ADAMTS9: variants seen among roughly 807,000 people sequenced by gnomAD.
ADAMTS9 encodes A disintegrin and metalloproteinase with thrombospondin motifs 9.
ADAMTS9 carries 107 observed loss-of-function variants against 257.1 expected under a neutral mutation model. That is an observed-to-expected ratio of 0.42 (90% CI 0.36 to 0.49). ADAMTS9 has a LOEUF of 0.49. Ranked by LOEUF, ADAMTS9 falls within the 20% of genes least tolerant of loss-of-function variation. The pLI, the probability that ADAMTS9 is intolerant of heterozygous loss-of-function variation, is 0.03. For synonymous variants in ADAMTS9, 982 were observed against 880.9 expected (o/e 1.11, Z -2.03); for missense variants, 2,353 against 2,469.1 (o/e 0.95, Z 1.00).
chr3:64,519,545 C>T (rs775839891), intron 39 of ADAMTS9, among the ~76,000 whole-genome samples: 1 of 151,978 alleles, frequency 6.6e-6, no homozygotes, highest in Non-Finnish European at 1.5e-5. Flanking sequence ...CATGAAAATC[C>T]TCAACAAAAT....
chr3:64,550,036 C>G (rs1469551931), intron 31 of ADAMTS9: 3 of 151,902 alleles, frequency 2.0e-5, no homozygotes, highest in Non-Finnish European at 2.9e-5. Flanking sequence ...GTCCAGATGC[C>G]TCCCTTTCGA....
intron 28 of ADAMTS9, among the ~76,000 whole-genome samples, chr3:64,592,213 A>G (rs1263718234): frequency 1.3e-5 from 2 of 152,222 alleles, no homozygotes; most frequent in African/African-American, 2.4e-5. Context: ...CCTTGCTCTT[A>G]GACTGTAGAG....
At chr3:64,616,931 CT>C (rs1417879885) in intron 19 of ADAMTS9, among the ~76,000 whole-genome samples, 1 of 152,046 alleles carries the variant, frequency 6.6e-6, no homozygotes, top group Admixed American at 6.5e-5. Flanking sequence ...CCATGTGTAC[CT>C]GTCCAGGGTA....
At chr3:64,604,383 T>C in intron 23 of ADAMTS9, 52 bp from the exon 24 acceptor site, 1 of 1,284,698 alleles carries the variant, frequency 7.8e-7, no homozygotes, top group Middle Eastern at 1.9e-4. Flanking sequence ...TCAATGCACT[T>C]TCAAGGTAAT....
At chr3:64,627,280 T>C (rs1416426851) in intron 16 of ADAMTS9, among the ~76,000 whole-genome samples, 1 of 151,982 alleles carries the variant, frequency 6.6e-6, no homozygotes, top group Non-Finnish European at 1.5e-5. Context: ...TTTATTCCAG[T>C]AGATGTGAGT....
chr3:64,606,850 C>T (rs925489633), intron 23 of ADAMTS9, 110 bp downstream of exon 23: 7 of 1,342,900 alleles, frequency 5.2e-6, no homozygotes, highest in Middle Eastern at 1.9e-4. Flanking sequence ...CTACTGGTTG[C>T]TCTACTGACA....
chr3:64,629,993 G>T (rs1700328523), intron 16 of ADAMTS9, among the ~76,000 whole-genome samples: 1 of 152,136 alleles, frequency 6.6e-6, no homozygotes, highest in South Asian at 2.1e-4. Flanking sequence ...TAGATTAAGG[G>T]CCTCTATACA....
At chr3:64,682,546 G>C (rs1701784802) in intron 2 of ADAMTS9, among the ~76,000 whole-genome samples, 1 of 152,298 alleles carries the variant, frequency 6.6e-6, no homozygotes, top group African/African-American at 2.4e-5. Flanking sequence ...GCTGAGTGGT[G>C]TTTAAGAGGA....
At chr3:64,630,568 C>T (rs1700343467) in intron 16 of ADAMTS9, among the ~76,000 whole-genome samples, 1 of 152,038 alleles carries the variant, frequency 6.6e-6, no homozygotes, top group South Asian at 2.1e-4. Context: ...CAGAGTGAGA[C>T]CCTGTCCCAA....
rs2084321661 is a variant in ADAMTS9, at chr3:64,594,371, C to T, written c.4243G>A (p.Glu1415Lys). ...TCACAGCTCAAATCTGGAAACCGTT[C>T]ACCGTTGGACCGCTGACAGACCACC... Reference protein sequence around the residue: ...RLVVCQRSNGERFPDLSCEIL... With the variant: ...RLVVCQRSNGKRFPDLSCEIL... Residue 1415 changes from glutamate to lysine, a missense_variant, in exon 28 of 40, where the codon GAA becomes AAA. This residue lies in a region of ADAMTS9 where 1,402 missense variants were observed against 1,441.4 expected (regional missense o/e 0.97). Coordinates refer to ENST00000498707, the MANE Select transcript of ADAMTS9 (RefSeq NM_182920.2). 6.2e-7 allele frequency: 1 copy of T among 1,614,096 alleles called. No individual in the cohort carries two copies. The highest frequency in any genetic ancestry group is 8.5e-7 in the Non-Finnish European group (1 of 1,179,984).
chr3:64,565,163 C>T (rs1246013727), intron 29 of ADAMTS9, among the ~76,000 whole-genome samples: 1 of 152,172 alleles, frequency 6.6e-6, no homozygotes, highest in Non-Finnish European at 1.5e-5. Context: ...CATATGGCTT[C>T]CTTAATTTCT....
intron 30 of ADAMTS9, among the ~76,000 whole-genome samples, chr3:64,554,950 T>G (rs990376201): frequency 3.9e-5 from 6 of 152,236 alleles, no homozygotes; most frequent in Non-Finnish European, 8.8e-5. Context: ...GCTTAAAGAT[T>G]ATAATCAAGT....
intron 28 of ADAMTS9, among the ~76,000 whole-genome samples, chr3:64,586,303 C>A (rs1165050588): frequency 6.6e-6 from 1 of 152,022 alleles, no homozygotes. Flanking sequence ...AAATCAAAGT[C>A]CTCCCTATAA....
chr3:64,649,907 T>G, intron 9 of ADAMTS9, 129 bp from the exon 10 acceptor site: 2 of 1,155,210 alleles, frequency 1.7e-6, no homozygotes, highest in Non-Finnish European at 2.4e-6. Flanking sequence ...ATGTGCTTTA[T>G]TCTTTACATC....
chr3:64,545,044 A>C (rs552125413), intron 32 of ADAMTS9, among the ~76,000 whole-genome samples: 55 of 152,342 alleles, frequency 3.6e-4, no homozygotes, highest in African/African-American at 1.3e-3. Context: ...AAGGCAAATC[A>C]AAACCACAAT....
chr3:64,575,145 G>A (rs772185265), intron 28 of ADAMTS9, among the ~76,000 whole-genome samples: 12 of 152,280 alleles, frequency 7.9e-5, no homozygotes, highest in Non-Finnish European at 1.5e-4. Flanking sequence ...CCATTGATGG[G>A]TGAATGCTCT....
intron 19 of ADAMTS9, among the ~76,000 whole-genome samples, chr3:64,617,142 T>C (rs888630461): frequency 6.6e-6 from 1 of 152,182 alleles, no homozygotes; most frequent in Non-Finnish European, 1.5e-5. Context: ...CTTTATCTCA[T>C]CCTGTCACAG....
rs779377973 is a variant in ADAMTS9 at position 64,607,017 on chromosome 3, A to G, written c.3417T>C (p.Tyr1139=). The change falls in exon 23 of 40, where the codon TAT becomes TAC. Residue 1139 remains tyrosine (Y), a synonymous_variant. Transcript: ENST00000498707. The part of the protein sequence containing the change: ...LRAVKCIIGT[Y]MSVVDDNDCN... ...AGTCATTGTCATCTACCACTGACAT[A>G]TAAGTCCCAATGATGCATTTCACTG... The G allele has an allele frequency of 1.4e-5, 22 of 1,613,820 alleles. No homozygotes were observed. Among genetic ancestry groups the G allele is most frequent in the East Asian group, 1.3e-4 (6 of 44,858 alleles).
At chr3:64,600,556 G>A (rs962157749) in intron 26 of ADAMTS9, among the ~76,000 whole-genome samples, 2 of 152,140 alleles carry the variant, frequency 1.3e-5, no homozygotes, top group Admixed American at 6.5e-5. Context: ...AAATCCTAGC[G>A]CTATCATTAG....
Sources: gnomAD v4.1 joint callset for allele counts (sites outside exome capture counted in the v4.1 genomes callset) on GRCh38, gnomAD v4.1.1 for gene constraint, gnomAD v4.1.1 regional missense constraint, MANE v1.5 for transcripts, NCBI Gene and HGNC (gene_info 2026-07-23, HGNC 2026-07-21) for gene names.